ADAMDEC1: variants seen among roughly 807,000 people sequenced by gnomAD.
ADAMDEC1 encodes ADAM DEC1.
ADAMDEC1 carries 62 observed loss-of-function variants against 60.4 expected under a neutral mutation model. That is an observed-to-expected ratio of 1.03 (90% CI 0.84 to 1.27). The LOEUF (loss-of-function observed/expected upper bound fraction) is 1.27. Among genes scored for constraint, ADAMDEC1 ranks in the 50% most tolerant of loss-of-function variants. The probability of loss-of-function intolerance (pLI) is 0.00; values close to 1 mark genes in which losing one functional copy is unlikely to be tolerated. For synonymous variants in ADAMDEC1, 210 were observed against 195.1 expected (o/e 1.08, Z -0.64); for missense variants, 595 against 565.0 (o/e 1.05, Z -0.54).
intron 7 of ADAMDEC1, among the ~76,000 whole-genome samples, 166 bp downstream of exon 7, chr8:24,397,911 C>A (rs914149245): frequency 1.3e-5 from 2 of 152,078 alleles, no homozygotes; most frequent in African/African-American, 4.8e-5. Context: ...TCCTCATACC[C>A]TTTAATATCC....
At chr8:24,386,774 C>T (rs906291049) in intron 1 of ADAMDEC1, among the ~76,000 whole-genome samples, 3 of 152,152 alleles carry the variant, frequency 2.0e-5, no homozygotes, top group Non-Finnish European at 4.4e-5. Flanking sequence ...TGCCAATTAA[C>T]ATCCTAAATT....
In ADAMDEC1 at chr8:24,397,321, CACAG is replaced by C. The variant is rs1817639103; in HGVS notation, c.495_498del (p.Asp166ArgfsTer23). The stretch of plus-strand genomic sequence containing the variant: ...GATACCAGATAAAACCTCTGAAAAG[CACAG>C]ACGAGAAAGAACATGCCGTCTTTAC... On this transcript the variant is annotated frameshift_variant, in exon 6 of 14. Transcript: ENST00000256412. LOFTEE classifies it high-confidence loss of function. 1 of 1,613,842 alleles carries C rather than the reference CACAG, an allele frequency of 6.2e-7. No individual in the cohort carries two copies. Among genetic ancestry groups the C allele is most frequent in the Non-Finnish European group, 8.5e-7 (1 of 1,179,946 alleles).
chr8:24,404,485 A>G (rs1219626351), intron 13 of ADAMDEC1, among the ~76,000 whole-genome samples: 2 of 152,200 alleles, frequency 1.3e-5, no homozygotes, highest in African/African-American at 2.4e-5. Context: ...CAGAAAATCA[A>G]TAGCATTTAA....
intron 1 of ADAMDEC1, among the ~76,000 whole-genome samples, chr8:24,385,766 A>C (rs1046655371): frequency 6.6e-6 from 1 of 152,190 alleles, no homozygotes; most frequent in African/African-American, 2.4e-5. Context: ...ATGAGGGCTA[A>C]ATCATATATA....
At position 24,405,594 on chromosome 8, in the gene ADAMDEC1, A is replaced by C; in HGVS notation, c.*296A>C. Reference sequence around the variant, plus strand: ...AACAAAAGAAAGCAGTCTTCCATCAAATCACCTTAAAATGCACGGCTAAAC... The same window carrying C: ...AACAAAAGAAAGCAGTCTTCCATCACATCACCTTAAAATGCACGGCTAAAC... On this transcript the variant is annotated 3_prime_UTR_variant, in exon 14 of 14. Transcript: ENST00000256412. The C allele has an allele frequency of 2.8e-6, 1 of 352,066 alleles. No homozygotes were observed. The highest frequency in any genetic ancestry group is 5.1e-6 in the Non-Finnish European group (1 of 196,768). The allele number at this position is 352,066 out of a possible 1,614,324, so 21.8% of individuals were successfully genotyped here.
At chr8:24,389,667 T>C (rs998675535) in intron 1 of ADAMDEC1, among the ~76,000 whole-genome samples, 11 of 152,214 alleles carry the variant, frequency 7.2e-5, no homozygotes, top group Non-Finnish European at 5.9e-5. Flanking sequence ...AATCTATTCA[T>C]TTCCATAACC....
At chr8:24,403,753 C>T (rs1475579815) in intron 12 of ADAMDEC1, among the ~76,000 whole-genome samples, 1 of 152,038 alleles carries the variant, frequency 6.6e-6, no homozygotes, top group Non-Finnish European at 1.5e-5. Context: ...CATCATACAT[C>T]TAGACAAAAT....
intron 4 of ADAMDEC1, among the ~76,000 whole-genome samples, chr8:24,395,425 G>T (rs1338326839): frequency 6.6e-6 from 1 of 152,070 alleles, no homozygotes; most frequent in Non-Finnish European, 1.5e-5. Flanking sequence ...GCCCACCTAG[G>T]TTTAACTTCC....
In ADAMDEC1 at chr8:24,394,056, C is replaced by G. The variant is rs1169097142; in HGVS notation, c.285-13C>G. ...CATCCTGAGTGGTCCATGCAGCTCT[C>G]TGCTCTCTACAGGCACCTCCTGGGG... On this transcript the variant is annotated splice_polypyrimidine_tract_variant and intron_variant, in intron 3 of 13. Coordinates refer to ENST00000256412, the MANE Select transcript of ADAMDEC1 (RefSeq NM_014479.3). 6.2e-7 allele frequency: 1 copy of G among 1,602,160 alleles called. No homozygotes were observed. Among genetic ancestry groups the G allele is most frequent in the East Asian group, 2.2e-5 (1 of 44,710 alleles).
chr8:24,388,304 C>G (rs781544625), intron 1 of ADAMDEC1, among the ~76,000 whole-genome samples: 1 of 152,140 alleles, frequency 6.6e-6, no homozygotes, highest in Non-Finnish European at 1.5e-5. Flanking sequence ...AAAAAATCTT[C>G]AAACGTACTG....
At chr8:24,385,753 A>C (rs1231519578) in intron 1 of ADAMDEC1, among the ~76,000 whole-genome samples, 2 of 152,230 alleles carry the variant, frequency 1.3e-5, no homozygotes, top group Non-Finnish European at 2.9e-5. Flanking sequence ...AGTTTAAAAT[A>C]GAATGAGGGC....
chr8:24,389,914 T>C (rs571949960), intron 1 of ADAMDEC1, among the ~76,000 whole-genome samples: 1 of 152,316 alleles, frequency 6.6e-6, no homozygotes, highest in East Asian at 1.9e-4. Flanking sequence ...TATTGAAAAT[T>C]GCAACACTCA....
intron 1 of ADAMDEC1, among the ~76,000 whole-genome samples, chr8:24,391,923 A>C (rs1368705131): frequency 6.6e-6 from 1 of 152,162 alleles, no homozygotes; most frequent in African/African-American, 2.4e-5. Context: ...GGATTACTAC[A>C]GGTAGAATTC....
intron 1 of ADAMDEC1, among the ~76,000 whole-genome samples, chr8:24,390,467 AATC>A (rs1222284950): frequency 6.6e-6 from 1 of 152,222 alleles, no homozygotes; most frequent in East Asian, 1.9e-4. Context: ...TCATGCCTGT[AATC>A]CCAGCACTTT....
intron 3 of ADAMDEC1, 47 bp from the exon 4 acceptor site, chr8:24,394,022 C>A (rs1817517065): frequency 2.2e-6 from 3 of 1,337,784 alleles, no homozygotes; most frequent in Non-Finnish European, 3.2e-6. Flanking sequence ...GAAGTTCTGC[C>A]TTTCTTACCA....
At chr8:24,396,272 A>T (rs1277395031) in intron 5 of ADAMDEC1, among the ~76,000 whole-genome samples, 1 of 152,214 alleles carries the variant, frequency 6.6e-6, no homozygotes. Flanking sequence ...GCACTTTGGG[A>T]GGGCGAGGCG....
chr8:24,388,468 T>C (rs975854601), intron 1 of ADAMDEC1, among the ~76,000 whole-genome samples: 1 of 152,116 alleles, frequency 6.6e-6, no homozygotes, highest in African/African-American at 2.4e-5. Flanking sequence ...CTCATGTTTT[T>C]CCTCTCTTTC....
chr8:24,393,141 A>G (rs1019103647), intron 2 of ADAMDEC1, 121 bp from the exon 3 acceptor site: 3 of 586,286 alleles, frequency 5.1e-6, no homozygotes, highest in South Asian at 6.5e-5. Flanking sequence ...TTTTAAAAAC[A>G]CAAAAGAATT....
intron 4 of ADAMDEC1, 119 bp from the exon 5 acceptor site, chr8:24,395,601 G>C: frequency 1.5e-6 from 1 of 658,980 alleles, no homozygotes; most frequent in South Asian, 2.2e-5. Context: ...ACATATTCAA[G>C]ATGGTAGCTT....
Sources: gnomAD v4.1 joint callset for allele counts (sites outside exome capture counted in the v4.1 genomes callset) on GRCh38, gnomAD v4.1.1 for gene constraint, MANE v1.5 for transcripts, NCBI Gene and HGNC (gene_info 2026-07-23, HGNC 2026-07-21) for gene names.